Variants in TCP11 observed in about 807,000 individuals in gnomAD.
TCP11 encodes the protein T-complex protein 11 homolog.
In TCP11, 34 loss-of-function variants were observed where a neutral mutation model predicts 45.0. The ratio of observed to expected loss-of-function variants is 0.76; its 90% CI spans 0.57 to 1.01. The LOEUF is 1.01. Among genes scored for constraint, TCP11 ranks in the 50% least tolerant of loss-of-function variants. TCP11 has a pLI of 0.00. For synonymous variants in TCP11, 227 were observed against 227.0 expected (o/e 1.00, Z 0.00); for missense variants, 523 against 598.1 (o/e 0.87, Z 1.31).
intron 4 of TCP11, among the ~76,000 whole-genome samples, chr6:35,124,562 C>T (rs981950137): frequency 6.6e-6 from 1 of 152,130 alleles, no homozygotes; most frequent in African/African-American, 2.4e-5. Context: ...TACGTAGCTA[C>T]AAGACTGGAC....
intron 1 of TCP11, 33 bp downstream of exon 1, chr6:35,141,172 G>A: frequency 1.5e-6 from 2 of 1,352,894 alleles, no homozygotes; most frequent in South Asian, 1.8e-5. Flanking sequence ...CGAAACGCCG[G>A]CCCAGGCCCG....
chr6:35,123,950 C>T (rs1359620273), intron 4 of TCP11, among the ~76,000 whole-genome samples: 2 of 151,876 alleles, frequency 1.3e-5, no homozygotes, highest in African/African-American at 4.8e-5. Context: ...CCATGCCCAG[C>T]TAATTAAAAA....
chr6:35,134,340 G>A (rs184786872), intron 3 of TCP11, among the ~76,000 whole-genome samples: 68 of 148,056 alleles, frequency 4.6e-4, no homozygotes, highest in Non-Finnish European at 6.4e-4. Flanking sequence ...GAGTGCAGTG[G>A]CGTGATCTTG....
intron 3 of TCP11, among the ~76,000 whole-genome samples, chr6:35,131,366 G>A (rs770790177): frequency 1.3e-5 from 2 of 151,892 alleles, no homozygotes; most frequent in Admixed American, 6.6e-5. Context: ...CCAGGAGTTC[G>A]AGACCGGCCT....
At chr6:35,122,031 G>A in intron 5 of TCP11, 86 bp downstream of exon 5, 1 of 1,316,912 alleles carries the variant, frequency 7.6e-7, no homozygotes, top group Non-Finnish European at 1.1e-6. Flanking sequence ...AGCTGGTCAA[G>A]ACGATGGCTA....
rs780891227 is a variant in TCP11 at position 35,140,744 on chromosome 6, T to C, written c.124+3A>G. The C allele has an allele frequency of 1.4e-5, 21 of 1,525,860 alleles. No individual in the cohort carries two copies. The South Asian group carries it at 2.8e-4, about 20-fold the overall frequency. The allele number at this position is 1,525,860 out of a possible 1,614,324, so 94.5% of individuals were successfully genotyped here. Reference sequence around the variant, plus strand: ...GCCACAGGGACTGCCGAGCTGGACCTACAGGGAGGGGGGTCCTCGGAGCCG... The same window carrying C: ...GCCACAGGGACTGCCGAGCTGGACCCACAGGGAGGGGGGTCCTCGGAGCCG... On this transcript the variant is annotated splice_donor_region_variant and intron_variant, in intron 2 of 9. Coordinates refer to ENST00000311875, the MANE Select transcript of TCP11 (RefSeq NM_001370687.1).
intron 4 of TCP11, among the ~76,000 whole-genome samples, chr6:35,126,580 AG>A: frequency 1.3e-5 from 2 of 151,028 alleles, no homozygotes; most frequent in South Asian, 4.2e-4. Flanking sequence ...TTACAGCATT[AG>A]GTGAGCAACA....
intron 8 of TCP11, 25 bp from the exon 9 acceptor site, chr6:35,119,416 G>A: frequency 1.9e-6 from 3 of 1,610,948 alleles, no homozygotes; most frequent in Non-Finnish European, 2.5e-6. Flanking sequence ...AAAGTAAGCT[G>A]GCACCCACCA....
intron 4 of TCP11, among the ~76,000 whole-genome samples, chr6:35,125,808 A>G (rs1041062152): frequency 2.6e-5 from 4 of 152,238 alleles, no homozygotes; most frequent in Admixed American, 2.6e-4. Flanking sequence ...TATCCATATA[A>G]TAAGAATATT....
rs1328199110 is a variant in TCP11, at chr6:35,136,222, A to G, written c.125-4T>C. ...GTCAGACCTGTGACAGAAAGAACTG[A>G]TGGTGGACAACAATGAGCCCATGCA... is the stretch of plus-strand genomic sequence containing the variant. On this transcript the variant is annotated splice_polypyrimidine_tract_variant and splice_region_variant and intron_variant, in intron 2 of 9. Transcript: ENST00000311875. 1 of 1,610,286 alleles carries G rather than the reference A, an allele frequency of 6.2e-7. No individual in the cohort carries two copies. Among genetic ancestry groups the G allele is most frequent in the South Asian group, 1.1e-5 (1 of 90,780 alleles).
intron 3 of TCP11, among the ~76,000 whole-genome samples, chr6:35,132,221 C>A (rs1389893976): frequency 6.6e-6 from 1 of 152,176 alleles, no homozygotes; most frequent in Non-Finnish European, 1.5e-5. Flanking sequence ...CCATTCTCTG[C>A]CTCTGACATG....
At chr6:35,121,133 G>C in intron 5 of TCP11, 88 bp from the exon 6 acceptor site, 1 of 1,439,118 alleles carries the variant, frequency 6.9e-7, no homozygotes, top group Non-Finnish European at 9.3e-7. Flanking sequence ...AGAGTTAGGA[G>C]GGGCTTAAGA....
At position 35,120,525 on chromosome 6, in the gene TCP11, T is replaced by C; in HGVS notation, c.837A>G (p.Ala279=). Residue 279 remains alanine (A), a synonymous_variant, in exon 7 of 10, where the codon GCA becomes GCG. Transcript: ENST00000311875. The surrounding 1 kb of genome is among the most constrained non-coding windows in gnomAD (Gnocchi z 4.9). The stretch of plus-strand genomic sequence containing the variant: ...GGCTGAGGGGCTCTGGGTTGTTGGC[T>C]GCCTCATTGGGAGAGGGGCCAGCCA... ...SSVAGPSPNE[A]ANNPEPLSPT... The C allele has an allele frequency of 6.2e-7, 1 of 1,614,100 alleles. No individual in the cohort carries two copies. The highest frequency in any genetic ancestry group is 8.5e-7 in the Non-Finnish European group (1 of 1,180,028).
rs745687408 is a variant in TCP11, at chr6:35,141,225, G to A, written c.-35C>T. The A allele has an allele frequency of 5.7e-6, 8 of 1,406,234 alleles. No individual in the cohort carries two copies. In the African/African-American group the frequency reaches 1.0e-4, roughly 18 times the overall value. 87.1% of individuals were successfully genotyped at this position (1,406,234 alleles called of 1,614,324 possible). ...GTCACCTCCTCCTCCCCCGCCGCGG[G>A]TCATCCACTGGCGTCCGCTCGGTGG... On this transcript the variant is annotated 5_prime_UTR_variant, in exon 1 of 10. Coordinates refer to ENST00000311875, the MANE Select transcript of TCP11 (RefSeq NM_001370687.1).
intron 3 of TCP11, among the ~76,000 whole-genome samples, chr6:35,130,667 G>A (rs1019407956): frequency 2.6e-5 from 4 of 151,980 alleles, no homozygotes; most frequent in African/African-American, 9.7e-5. Context: ...AAAAGACACC[G>A]CTATATGACA....
Position 35,119,355 on chromosome 6 carries a change from T to TA in TCP11, c.1151dup (p.Ser385IlefsTer19). On this transcript the variant is annotated frameshift_variant, in exon 9 of 10. Coordinates refer to ENST00000311875, the MANE Select transcript of TCP11 (RefSeq NM_001370687.1). LOFTEE classifies it high-confidence loss of function. ...TGAGGCTTTGATGGATTTCCTGAGA[T>TA]ACCTGTTCACTCACAGTCAGTATAG... is the stretch of plus-strand genomic sequence containing the variant. The TA allele has an allele frequency of 6.2e-7, 1 of 1,614,230 alleles. No individual in the cohort carries two copies. Among genetic ancestry groups the TA allele is most frequent in the Non-Finnish European group, 8.5e-7 (1 of 1,180,026 alleles).
chr6:35,120,331 T>A lies in TCP11; in HGVS notation c.943A>T (p.Met315Leu), dbSNP rs1779091260. 1.2e-6 allele frequency: 2 copies of A among 1,613,470 alleles called. No homozygotes were observed. Among genetic ancestry groups the A allele is most frequent in the African/African-American group, 2.7e-5 (2 of 74,928 alleles). ...ENEEFPETLLMDRTRLQELKS... is the reference protein window; with the variant it reads ...ENEEFPETLLLDRTRLQELKS... ...AGCTCCTGCAGCCGGGTTCTGTCCA[T>A]CAGCAGGGTCTGGGAACCAGGGAAG... is the stretch of plus-strand genomic sequence containing the variant. The change falls in exon 8 of 10, where the codon ATG (methionine) becomes TTG (leucine). Residue 315 changes from methionine (M) to leucine (L), a missense_variant. Met to Leu is a conservative substitution (Grantham distance 15). Transcript: ENST00000311875. This position sits in a 1 kb window ranked among gnomAD's most constrained non-coding sequence, Gnocchi z 4.9.
chr6:35,136,244 T>C (rs1181557128), intron 2 of TCP11, 26 bp from the exon 3 acceptor site: 4 of 1,558,678 alleles, frequency 2.6e-6, no homozygotes, highest in Admixed American at 3.4e-5. Context: ...AATGAGCCCA[T>C]GCAAGTCTGA....
In TCP11 at chr6:35,120,289, G is replaced by A. The variant is rs1375109535; in HGVS notation, c.985C>T (p.Gln329Ter). 1.2e-6 allele frequency: 2 copies of A among 1,614,100 alleles called. No individual in the cohort carries two copies. Among genetic ancestry groups the A allele is most frequent in the Non-Finnish European group, 1.7e-6 (2 of 1,180,034 alleles). ...RLQELKSQLH[Q>*]LTVMASVLLV... ...AAGACTGAGGCCATGACGGTTAACT[G>A]GTGCAACTGGGACTTCAGCTCCTGC... is the stretch of plus-strand genomic sequence containing the variant. Residue 329 changes from glutamine to a stop codon, truncating the protein, a stop_gained, in exon 8 of 10, where the codon CAG becomes TAG. Transcript: ENST00000311875. LOFTEE classifies it high-confidence loss of function. The surrounding 1 kb of genome is among the most constrained non-coding windows in gnomAD (Gnocchi z 4.9).
Sources: allele counts gnomAD v4.1 joint callset (sites outside exome capture counted in the v4.1 genomes callset), GRCh38; gene constraint gnomAD v4.1.1; non-coding constraint Gnocchi (gnomAD v3.1); transcripts MANE v1.5; gene names NCBI Gene and HGNC (gene_info 2026-07-23, HGNC 2026-07-21).